The following EFCAB6 variants were observed in gnomAD, a reference collection of about 807,000 sequenced individuals.
EFCAB6 encodes EF-hand calcium binding domain 6.
A neutral mutation model predicts 169.8 loss-of-function variants in EFCAB6; 156 were observed. The observed-to-expected ratio is 0.92, with a 90% confidence interval of 0.81 to 1.05. EFCAB6 has a LOEUF of 1.05. Among genes scored for constraint, EFCAB6 ranks in the 50% least tolerant of loss-of-function variants. The pLI is 0.00. For synonymous variants in EFCAB6, 698 were observed against 676.4 expected (o/e 1.03, Z -0.50); for missense variants, 1,800 against 1,829.1 (o/e 0.98, Z 0.29).
chr22:43,638,462 T>A (rs932688569), intron 17 of EFCAB6, among the ~76,000 whole-genome samples: 2 of 152,194 alleles, frequency 1.3e-5, no homozygotes, highest in African/African-American at 2.4e-5. Flanking sequence ...GTAGACCGAC[T>A]CTTCCCCAGG....
intron 18 of EFCAB6, 110 bp downstream of exon 18, chr22:43,634,992 C>T: frequency 1.3e-6 from 1 of 779,692 alleles, no homozygotes; most frequent in Non-Finnish European, 2.2e-6. Flanking sequence ...CTCGTTTCAA[C>T]ATCTCAGCTT....
intron 6 of EFCAB6, among the ~76,000 whole-genome samples, chr22:43,752,120 T>TC (rs890509631): frequency 6.7e-6 from 1 of 148,412 alleles, no homozygotes; most frequent in Admixed American, 6.7e-5. Context: ...CTTTCCATTT[T>TC]TTTTTTTTTT....
intron 7 of EFCAB6, 36 bp downstream of exon 7, chr22:43,735,821 A>C: frequency 6.2e-7 from 1 of 1,607,260 alleles, no homozygotes; most frequent in South Asian, 1.1e-5. Context: ...TAAAAGTTCT[A>C]CTGAGCAATC....
intron 8 of EFCAB6, among the ~76,000 whole-genome samples, chr22:43,722,360 A>G (rs2059564497): frequency 2.5e-5 from 1 of 40,510 alleles, no homozygotes; most frequent in Non-Finnish European, 5.0e-5. Flanking sequence ...CCCCATCTCT[A>G]CTTAAAAAAA....
chr22:43,727,517 T>C (rs1309913195), intron 8 of EFCAB6, among the ~76,000 whole-genome samples: 1 of 152,212 alleles, frequency 6.6e-6, no homozygotes, highest in African/African-American at 2.4e-5. Flanking sequence ...ATATTTCTGT[T>C]GAGTGAACAG....
intron 17 of EFCAB6, among the ~76,000 whole-genome samples, chr22:43,666,713 T>TTTTTC: frequency 6.7e-6 from 1 of 149,408 alleles, no homozygotes; most frequent in Admixed American, 6.7e-5. Context: ...TTTTTTTTTT[T>TTTTTC]TTCATTCTAG....
At chr22:43,803,429 G>T (rs2062805200) in intron 2 of EFCAB6, among the ~76,000 whole-genome samples, 3 of 152,178 alleles carry the variant, frequency 2.0e-5, no homozygotes, top group African/African-American at 7.2e-5. Flanking sequence ...GGTTGAAGAA[G>T]GGAGTTTGAA....
intron 23 of EFCAB6, among the ~76,000 whole-genome samples, chr22:43,597,318 TG>T (rs1414441277): frequency 6.6e-6 from 1 of 152,164 alleles, no homozygotes; most frequent in Non-Finnish European, 1.5e-5. Context: ...GCCTACTGAG[TG>T]GGAGAAGATA....
chr22:43,772,000 T>C (rs748678526), intron 4 of EFCAB6, among the ~76,000 whole-genome samples: 3 of 152,058 alleles, frequency 2.0e-5, no homozygotes, highest in South Asian at 2.1e-4. Context: ...TCCCCTCTCA[T>C]CTCGAGAATA....
intron 25 of EFCAB6, among the ~76,000 whole-genome samples, chr22:43,576,962 G>C (rs904648621): frequency 2.6e-5 from 4 of 152,188 alleles, no homozygotes; most frequent in Non-Finnish European, 5.9e-5. Flanking sequence ...CAAGACAGGA[G>C]TCTGACTTTG....
At chr22:43,580,883 T>A (rs2050678242) in intron 24 of EFCAB6, among the ~76,000 whole-genome samples, 3 of 152,158 alleles carry the variant, frequency 2.0e-5, no homozygotes, top group Non-Finnish European at 4.4e-5. Context: ...GAGAGTGCAG[T>A]TCACTGACGG....
At chr22:43,637,707 T>C (rs2055518881) in intron 17 of EFCAB6, among the ~76,000 whole-genome samples, 1 of 152,026 alleles carries the variant, frequency 6.6e-6, no homozygotes, top group Non-Finnish European at 1.5e-5. Flanking sequence ...ATGCTGAGAG[T>C]TCTGTGCCAT....
At chr22:43,664,577 T>C (rs2057157305) in intron 17 of EFCAB6, among the ~76,000 whole-genome samples, 1 of 151,982 alleles carries the variant, frequency 6.6e-6, no homozygotes, top group African/African-American at 2.4e-5. Context: ...GTCACCTTGG[T>C]GGAGGAAGAG....
chr22:43,577,817 C>T (rs2050358827), intron 25 of EFCAB6, among the ~76,000 whole-genome samples: 1 of 151,196 alleles, frequency 6.6e-6, no homozygotes, highest in South Asian at 2.1e-4. Flanking sequence ...TAATCCCTCA[C>T]ACCGCACCGG....
At position 43,765,390 on chromosome 22, in the gene EFCAB6, G is replaced by T; in HGVS notation, c.355C>A (p.Pro119Thr). Residue 119 changes from proline to threonine, a missense_variant, in exon 5 of 32, where the codon CCC (proline) becomes ACC (threonine). Physicochemically the swap from Pro to Thr is conservative, Grantham distance 38. Transcript: ENST00000262726. ...EQFQDVLAQI[P>T]LSTSGTVPYL... ...GGTACAGTACCAGAGGTGCTAAGGG[G>T]GATCTACAGTCAAGGGAGAAGAATG... 6.2e-7 allele frequency: 1 copy of T among 1,610,098 alleles called. No homozygotes were observed. The highest frequency in any genetic ancestry group is 1.1e-5 in the South Asian group (1 of 90,796).
intron 8 of EFCAB6, among the ~76,000 whole-genome samples, chr22:43,722,245 G>A (rs1443227825): frequency 6.6e-6 from 1 of 151,990 alleles, no homozygotes; most frequent in Non-Finnish European, 1.5e-5. Context: ...AGTCAAAAAA[G>A]GCAGGGCGTG....
At chr22:43,574,734 C>T (rs1477818887) in intron 26 of EFCAB6, among the ~76,000 whole-genome samples, 4 of 151,718 alleles carry the variant, frequency 2.6e-5, no homozygotes, top group Admixed American at 1.3e-4. Context: ...AAGGTATTTG[C>T]GACGCACATG....
At position 43,630,544 on chromosome 22, in the gene EFCAB6, TGA is replaced by T. The variant is rs545494888; in HGVS notation, c.2232+1559_2232+1560del. 1.2e-3 allele frequency among the ~76,000 whole-genome samples: 179 copies of T among 152,250 alleles called. 1 individual carries two copies. The highest frequency in any genetic ancestry group is 4.1e-3 in the African/African-American group (169 of 41,546). ...TGTGTGAGGAAGAGAGGAGAGAGTC[TGA>T]GAGAGGGAACAGGGAGGGGCCTGCA... On this transcript the variant is annotated intron_variant, in intron 19 of 31. Coordinates refer to ENST00000262726, the MANE Select transcript of EFCAB6 (RefSeq NM_022785.4).
intron 22 of EFCAB6, among the ~76,000 whole-genome samples, chr22:43,605,979 T>C (rs1243282646): frequency 6.6e-6 from 1 of 152,096 alleles, no homozygotes; most frequent in East Asian, 1.9e-4. Flanking sequence ...ACGATTGACC[T>C]AAGGGAAAAT....
Sources: allele counts gnomAD v4.1 joint callset (sites outside exome capture counted in the v4.1 genomes callset), GRCh38; gene constraint gnomAD v4.1.1; transcripts MANE v1.5; gene names NCBI Gene and HGNC (gene_info 2026-07-23, HGNC 2026-07-21).